NLGN1: variants seen among roughly 807,000 people sequenced by gnomAD.
The protein encoded by NLGN1 is neuroligin-1.
Under a neutral mutation model 65.5 loss-of-function variants are expected in NLGN1, and 12 were observed. That is an observed-to-expected ratio of 0.18 (90% CI 0.12 to 0.30). The LOEUF is 0.30. NLGN1 is among the 10% of genes least tolerant of loss of function. The probability of loss-of-function intolerance (pLI) is 1.00; values close to 1 mark genes in which losing one functional copy is unlikely to be tolerated. For missense variants in NLGN1, 750 were observed against 1,007.1 expected (o/e 0.74, Z 3.46); for synonymous variants, 350 against 359.5 (o/e 0.97, Z 0.30).
intron 4 of NLGN1, among the ~76,000 whole-genome samples, chr3:174,169,631 TG>T (rs1728156791): frequency 1.3e-5 from 2 of 152,066 alleles, no homozygotes; most frequent in African/African-American, 4.8e-5. Context: ...AATTTCTGCC[TG>T]GGAGTAGAGT....
At chr3:174,183,604 C>A (rs1730838685) in intron 4 of NLGN1, among the ~76,000 whole-genome samples, 2 of 152,036 alleles carry the variant, frequency 1.3e-5, no homozygotes, top group African/African-American at 4.8e-5. Flanking sequence ...AAAAAGAAGA[C>A]AGAGGAAGAA....
At chr3:174,021,071 A>G (rs1727661204) in intron 4 of NLGN1, among the ~76,000 whole-genome samples, 2 of 151,908 alleles carry the variant, frequency 1.3e-5, no homozygotes, top group South Asian at 4.2e-4. Flanking sequence ...TTTCTGCTTG[A>G]TTTCTTGCTG....
At chr3:173,952,904 A>G (rs184147158) in intron 4 of NLGN1, among the ~76,000 whole-genome samples, 3 of 152,008 alleles carry the variant, frequency 2.0e-5, no homozygotes, top group Admixed American at 6.6e-5. Context: ...CAGCCTTCCA[A>G]GTAGCTGGGA....
At chr3:174,209,683 AGTG>A (rs1038917609) in intron 4 of NLGN1, among the ~76,000 whole-genome samples, 1 of 116,742 alleles carries the variant, frequency 8.6e-6, no homozygotes, top group African/African-American at 3.5e-5. Flanking sequence ...CCCAGGCTGG[AGTG>A]TAGTGGTGTG....
At chr3:173,458,319 A>G (rs1361822175) in intron 2 of NLGN1, among the ~76,000 whole-genome samples, 1 of 151,996 alleles carries the variant, frequency 6.6e-6, no homozygotes, top group Admixed American at 6.6e-5. Context: ...GTCAGAATAA[A>G]GTGTTTTTAG....
At chr3:173,551,456 TG>T (rs1740841712) in intron 2 of NLGN1, among the ~76,000 whole-genome samples, 1 of 152,216 alleles carries the variant, frequency 6.6e-6, no homozygotes, top group South Asian at 2.1e-4. Flanking sequence ...CTGGAGCAAT[TG>T]TTTCATGTTT....
intron 4 of NLGN1, among the ~76,000 whole-genome samples, chr3:174,100,285 A>AAG: frequency 6.6e-6 from 1 of 152,102 alleles, no homozygotes; most frequent in East Asian, 1.9e-4. Context: ...GTAAAAAAAA[A>AAG]AAAACTTTAT....
At chr3:173,586,262 CT>C (rs1178013793) in intron 2 of NLGN1, among the ~76,000 whole-genome samples, 2 of 152,056 alleles carry the variant, frequency 1.3e-5, no homozygotes, top group Non-Finnish European at 2.9e-5. Flanking sequence ...AAAGTGTTAC[CT>C]TTTTTCAGGG....
chr3:174,008,674 T>G (rs1724928198), intron 4 of NLGN1, among the ~76,000 whole-genome samples: 1 of 152,038 alleles, frequency 6.6e-6, no homozygotes, highest in African/African-American at 2.4e-5. Context: ...CTTTGTGGAT[T>G]TTGGGAGAAG....
chr3:174,265,656 GGGAGCTGTAGACC>G (rs1468000922), intron 4 of NLGN1, among the ~76,000 whole-genome samples: 3 of 151,718 alleles, frequency 2.0e-5, no homozygotes, highest in African/African-American at 7.3e-5. Flanking sequence ...CACTCATGCT[GGGAGCTGTAGACC>G]GGAGCTGTTC....
chr3:173,520,984 A>G lies in NLGN1; in HGVS notation c.-320-83295A>G, dbSNP rs182006506. ...AAGTTAGCAGGCATAATAAGGCTGG[A>G]TAGTGTTCAGTGTGTGTGCAAGAGT... On this transcript the variant is annotated intron_variant, in intron 2 of 6. Coordinates refer to ENST00000457714, the Ensembl canonical transcript of NLGN1. Among the ~76,000 whole-genome samples the G allele has an allele frequency of 2.3e-3, 347 of 152,326 alleles. 2 individuals carry two copies. Among genetic ancestry groups the G allele is most frequent in the Non-Finnish European group, 3.4e-3 (234 of 68,034 alleles).
chr3:173,701,622 G>A (rs1196198062), intron 3 of NLGN1, among the ~76,000 whole-genome samples: 1 of 152,146 alleles, frequency 6.6e-6, no homozygotes, highest in Admixed American at 6.5e-5. Flanking sequence ...TTGTTAACAG[G>A]AAACTAATAC....
intron 3 of NLGN1, among the ~76,000 whole-genome samples, chr3:173,720,076 T>A (rs1319519308): frequency 6.6e-6 from 1 of 152,112 alleles, no homozygotes; most frequent in African/African-American, 2.4e-5. Context: ...ATCATGCCAC[T>A]GCATTCCAGC....
chr3:174,175,884 A>G lies in NLGN1; in HGVS notation c.647-99431A>G, dbSNP rs149536543. ...TCCTAATAACTCTTCCAGGCTCATT[A>G]CTGGCATGATTTCCATCTAGAATAT... On this transcript the variant is annotated intron_variant, in intron 4 of 6. Transcript: ENST00000457714. 3.0e-4 allele frequency among the ~76,000 whole-genome samples: 45 copies of G among 152,048 alleles called. 1 individual carries two copies. Among genetic ancestry groups the G allele is most frequent in the African/African-American group, 8.9e-4 (37 of 41,526 alleles).
intron 2 of NLGN1, among the ~76,000 whole-genome samples, chr3:173,438,407 G>A (rs11718044): frequency 0.17 from 26,097 of 151,926 alleles, 3,389 homozygotes; most frequent in African/African-American, 0.37. Flanking sequence ...GAAAAAAATG[G>A]CAGAAATGAA....
At chr3:173,747,363 AAGATAT>A (rs1292858202) in intron 3 of NLGN1, among the ~76,000 whole-genome samples, 48 of 143,064 alleles carry the variant, frequency 3.4e-4, no homozygotes, top group African/African-American at 1.2e-3. Context: ...TATATACTTA[AAGATAT>A]ATATATACTT....
chr3:173,761,522 G>A (rs114273637), intron 3 of NLGN1, among the ~76,000 whole-genome samples: 23 of 152,148 alleles, frequency 1.5e-4, no homozygotes, highest in Non-Finnish European at 2.9e-4. Flanking sequence ...GGGTAGATTA[G>A]CATGATATAT....
At chr3:174,282,127 T>G (rs1751607618) in exon 7 of NLGN1, 1 of 152,308 alleles carries the variant, frequency 6.6e-6, no homozygotes, top group South Asian at 2.1e-4. Flanking sequence ...TTGAAGAAAC[T>G]ATAGGTATAG....
chr3:173,731,373 G>A (rs559697049), intron 3 of NLGN1, among the ~76,000 whole-genome samples: 8 of 152,038 alleles, frequency 5.3e-5, no homozygotes, highest in Non-Finnish European at 7.4e-5. Context: ...AAGATGGACT[G>A]TATTCAATTT....
Sources: gnomAD v4.1 joint callset for allele counts (sites outside exome capture counted in the v4.1 genomes callset) on GRCh38, gnomAD v4.1.1 for gene constraint, MANE v1.5 for transcripts, NCBI Gene and HGNC (gene_info 2026-07-23, HGNC 2026-07-21) for gene names.